The following CCDC146 variants were observed in gnomAD, a reference collection of about 807,000 sequenced individuals.
CCDC146 encodes coiled-coil domain containing 146.
A neutral mutation model predicts 119.3 loss-of-function variants in CCDC146; 92 were observed. The ratio of observed to expected loss-of-function variants is 0.77; its 90% CI spans 0.65 to 0.92. The LOEUF is 0.92. Among genes scored for constraint, CCDC146 ranks in the 40% least tolerant of loss-of-function variants. The pLI is 0.00. For synonymous variants in CCDC146, 372 were observed against 371.8 expected (o/e 1.00, Z -0.01); for missense variants, 1,000 against 1,103.0 (o/e 0.91, Z 1.32).
At chr7:77,221,536 C>T (rs1792402803) in intron 2 of CCDC146, among the ~76,000 whole-genome samples, 1 of 152,154 alleles carries the variant, frequency 6.6e-6, no homozygotes, top group Non-Finnish European at 1.5e-5. Flanking sequence ...ATTGAGATTT[C>T]CTTTGGTGAT....
chr7:77,206,496 T>C (rs1313229234), intron 2 of CCDC146, among the ~76,000 whole-genome samples: 2 of 151,916 alleles, frequency 1.3e-5, no homozygotes, highest in African/African-American at 2.4e-5. Context: ...GTGTCTGTAA[T>C]GCATATAATG....
At chr7:77,146,053 A>G (rs1196596416) in intron 1 of CCDC146, among the ~76,000 whole-genome samples, 2 of 151,792 alleles carry the variant, frequency 1.3e-5, no homozygotes, top group Non-Finnish European at 1.5e-5. Context: ...GGGGGAGTCT[A>G]GGTCTCTTTG....
At chr7:77,243,764 G>C (rs965584327) in intron 4 of CCDC146, among the ~76,000 whole-genome samples, 1 of 152,208 alleles carries the variant, frequency 6.6e-6, no homozygotes, top group African/African-American at 2.4e-5. Flanking sequence ...GGAGATAACA[G>C]CTCCTAAATA....
At chr7:77,217,347 C>CAT (rs1169104393) in intron 2 of CCDC146, among the ~76,000 whole-genome samples, 3 of 151,612 alleles carry the variant, frequency 2.0e-5, no homozygotes, top group Non-Finnish European at 2.9e-5. Flanking sequence ...CACACACACA[C>CAT]ACATATGTAT....
intron 1 of CCDC146, among the ~76,000 whole-genome samples, chr7:77,140,946 T>C (rs1030823715): frequency 2.0e-5 from 3 of 152,080 alleles, no homozygotes; most frequent in African/African-American, 7.2e-5. Flanking sequence ...ATACTTTCAG[T>C]TCTGGGATAC....
At position 77,294,804 on chromosome 7, in the gene CCDC146, A is replaced by C; in HGVS notation, c.2806A>C (p.Ser936Arg). ...PYGALAPFKP[S>R]EPGANMRHIR... is the part of the protein sequence containing the mutation. ...TGGTGCTTTGGCTCCTTTTAAACCC[A>C]GTGAACCTGGAGCCAATATGAGGCA... is the stretch of plus-strand genomic sequence containing the variant. Residue 936 changes from serine to arginine, a missense_variant, in exon 19 of 19, where the codon AGT becomes CGT. Physicochemically the swap from Ser to Arg is moderately radical, Grantham distance 110. Around this residue, in one of 2 missense-constraint regions of CCDC146, gnomAD observed 985 missense variants for 1,045.3 expected, o/e 0.94. Coordinates refer to ENST00000285871, the MANE Select transcript of CCDC146 (RefSeq NM_020879.3). 2 of 1,614,192 alleles carry C rather than the reference A, an allele frequency of 1.2e-6. No individual in the cohort carries two copies. The highest frequency in any genetic ancestry group is 1.7e-6 in the Non-Finnish European group (2 of 1,180,040).
At chr7:77,251,273 C>T in intron 4 of CCDC146, among the ~76,000 whole-genome samples, 1 of 152,150 alleles carries the variant, frequency 6.6e-6, no homozygotes, top group East Asian at 1.9e-4. Flanking sequence ...CTGCCCGCCT[C>T]AGCCTCCCAA....
At position 77,182,476 on chromosome 7, in the gene CCDC146, T is replaced by C. The variant is rs534026812; in HGVS notation, c.156+14652T>C. On this transcript the variant is annotated intron_variant, in intron 2 of 18. Coordinates refer to ENST00000285871, the MANE Select transcript of CCDC146 (RefSeq NM_020879.3). Reference sequence around the variant, plus strand: ...TTCCCAGTGGCAGTCTTACTGTATATAAAATAGATTTGAGGCCAGGCGTGG... The same window carrying C: ...TTCCCAGTGGCAGTCTTACTGTATACAAAATAGATTTGAGGCCAGGCGTGG... Among the ~76,000 whole-genome samples the C allele has an allele frequency of 3.9e-5, 6 of 152,224 alleles. No homozygotes were observed. In the South Asian group the frequency reaches 1.2e-3, roughly 32 times the overall value.
In CCDC146 at chr7:77,285,543, A is replaced by C. The variant is rs777141044; in HGVS notation, c.2149-1255A>C. The stretch of plus-strand genomic sequence containing the variant: ...TAAAATACCATCAATATATTATCTC[A>C]TATGATGGATCAACCCCATGGCACT... On this transcript the variant is annotated intron_variant, in intron 15 of 18. Transcript: ENST00000285871. Among the ~76,000 whole-genome samples the C allele has an allele frequency of 2.5e-4, 38 of 152,306 alleles. No individual in the cohort carries two copies. In the Middle Eastern group the frequency reaches 0.014, roughly 55 times the overall value.
At chr7:77,231,721 CTTTCA>C (rs1317282912) in intron 2 of CCDC146, among the ~76,000 whole-genome samples, 2 of 151,788 alleles carry the variant, frequency 1.3e-5, no homozygotes. Context: ...AACATGGTTT[CTTTCA>C]TTCTTCAAAC....
At chr7:77,195,166 A>T (rs1169987826) in intron 2 of CCDC146, 2 of 110,896 alleles carry the variant, frequency 1.8e-5, no homozygotes, top group Non-Finnish European at 3.8e-5. Context: ...ATCCCTACCC[A>T]CCCCCCCCAA....
At position 77,199,324 on chromosome 7, in the gene CCDC146, C is replaced by A. The variant is rs558574462; in HGVS notation, c.156+31500C>A. 20 of 1,614,048 alleles carry A rather than the reference C, an allele frequency of 1.2e-5. No individual in the cohort carries two copies. In the South Asian group the frequency reaches 1.6e-4, roughly 13 times the overall value. ...ATTTACAAGATTCAGCTTCTCCAGG[C>A]GACCATGAAGTACATTGATCTCCTC... is the stretch of plus-strand genomic sequence containing the variant. On this transcript the variant is annotated intron_variant, in intron 2 of 18. Coordinates refer to ENST00000285871, the MANE Select transcript of CCDC146 (RefSeq NM_020879.3).
intron 1 of CCDC146, among the ~76,000 whole-genome samples, chr7:77,155,117 C>T (rs10246097): frequency 0.37 from 56,736 of 152,154 alleles, 10,952 homozygotes; most frequent in African/African-American, 0.48. Context: ...GAACTGATAG[C>T]GCCTTTCAGG....
chr7:77,144,794 T>C (rs1166384169), intron 1 of CCDC146, among the ~76,000 whole-genome samples: 1 of 151,866 alleles, frequency 6.6e-6, no homozygotes, highest in Non-Finnish European at 1.5e-5. Flanking sequence ...ATAAGCTTTT[T>C]GATGGGCTGC....
chr7:77,218,853 T>C (rs1792347813), intron 2 of CCDC146, among the ~76,000 whole-genome samples: 1 of 152,078 alleles, frequency 6.6e-6, no homozygotes, highest in South Asian at 2.1e-4. Context: ...ATTATAGACA[T>C]GAGCCACCAT....
intron 2 of CCDC146, among the ~76,000 whole-genome samples, chr7:77,215,549 T>C (rs979145655): frequency 6.6e-6 from 1 of 152,162 alleles, no homozygotes; most frequent in African/African-American, 2.4e-5. Context: ...TATGCCTTTT[T>C]AATGGACAGA....
At chr7:77,132,807 A>G (rs1320380957) in intron 1 of CCDC146, among the ~76,000 whole-genome samples, 1 of 152,196 alleles carries the variant, frequency 6.6e-6, no homozygotes, top group Non-Finnish European at 1.5e-5. Flanking sequence ...TTCACCACTC[A>G]CAAACTAAAA....
At chr7:77,142,158 A>T (rs886967248) in intron 1 of CCDC146, among the ~76,000 whole-genome samples, 11 of 152,216 alleles carry the variant, frequency 7.2e-5, no homozygotes, top group African/African-American at 2.7e-4. Context: ...AACTGGCACA[A>T]GACAAGGATG....
At chr7:77,176,343 A>G (rs1791499600) in intron 2 of CCDC146, among the ~76,000 whole-genome samples, 1 of 151,188 alleles carries the variant, frequency 6.6e-6, no homozygotes, top group African/African-American at 2.5e-5. Flanking sequence ...TGGCATTGGC[A>G]ATGAGGAAAA....
Sources: allele counts gnomAD v4.1 joint callset (sites outside exome capture counted in the v4.1 genomes callset), GRCh38; gene constraint gnomAD v4.1.1; regional missense constraint gnomAD v4.1.1; transcripts MANE v1.5; gene names NCBI Gene and HGNC (gene_info 2026-07-23, HGNC 2026-07-21).